Variants in FHIT observed in about 807,000 individuals in gnomAD.
FHIT encodes fragile histidine triad diadenosine triphosphatase.
In FHIT, 19 loss-of-function variants were observed where a neutral mutation model predicts 17.9. The observed-to-expected ratio is 1.06, with a 90% CI of 0.74 to 1.56. The LOEUF is 1.56. Ranked by LOEUF, FHIT falls within the 40% of genes most tolerant of loss-of-function variation. The probability of loss-of-function intolerance (pLI) is 0.00; values close to 1 mark genes in which losing one functional copy is unlikely to be tolerated. For missense variants in FHIT, 248 were observed against 189.2 expected (o/e 1.31, Z -1.82); for synonymous variants, 81 against 69.7 (o/e 1.16, Z -0.81).
chr3:60,244,569 G>A (rs567878984), intron 5 of FHIT, among the ~76,000 whole-genome samples: 3 of 152,066 alleles, frequency 2.0e-5, no homozygotes, highest in South Asian at 4.2e-4. Context: ...AAATGACACC[G>A]CCTAAACAAA....
intron 5 of FHIT, among the ~76,000 whole-genome samples, chr3:60,527,871 T>C (rs2035633379): frequency 6.6e-6 from 1 of 152,184 alleles, no homozygotes; most frequent in Non-Finnish European, 1.5e-5. Context: ...AACAATGGAA[T>C]GAGAATCAAA....
chr3:59,891,332 G>A (rs981255298), intron 8 of FHIT, among the ~76,000 whole-genome samples: 1 of 152,184 alleles, frequency 6.6e-6, no homozygotes, highest in African/African-American at 2.4e-5. Context: ...ATGGAAAAGG[G>A]AGTGGTTTAT....
intron 2 of FHIT, among the ~76,000 whole-genome samples, chr3:61,082,691 C>T (rs971003863): frequency 2.1e-4 from 32 of 152,156 alleles, no homozygotes; most frequent in African/African-American, 6.3e-4. Flanking sequence ...CATACCCTTG[C>T]CAACACTTAG....
intron 5 of FHIT, among the ~76,000 whole-genome samples, chr3:60,530,591 T>C (rs1037929427): frequency 1.3e-5 from 2 of 152,154 alleles, no homozygotes; most frequent in African/African-American, 4.8e-5. Flanking sequence ...CTAGTGCCCA[T>C]CACAGTTACT....
chr3:59,929,165 T>C (rs1338186958), intron 7 of FHIT, among the ~76,000 whole-genome samples: 6 of 151,950 alleles, frequency 3.9e-5, no homozygotes, highest in East Asian at 3.9e-4. Context: ...ATATGACCCA[T>C]GCACTGTTTC....
At chr3:59,917,016 G>T (rs943762784) in intron 8 of FHIT, among the ~76,000 whole-genome samples, 3 of 152,136 alleles carry the variant, frequency 2.0e-5, no homozygotes, top group Non-Finnish European at 4.4e-5. Flanking sequence ...GTCAACTAGG[G>T]ACCCATGGAC....
At chr3:60,796,449 C>T (rs1553730382) in intron 4 of FHIT, among the ~76,000 whole-genome samples, 1 of 151,826 alleles carries the variant, frequency 6.6e-6, no homozygotes, top group Non-Finnish European at 1.5e-5. Flanking sequence ...TATACATTTT[C>T]TTCTAAGCGA....
At chr3:60,952,885 T>C in intron 3 of FHIT, among the ~76,000 whole-genome samples, 1 of 152,210 alleles carries the variant, frequency 6.6e-6, no homozygotes, top group Middle Eastern at 3.2e-3. Context: ...TATAAAACCA[T>C]CTAGGTTTTG....
At chr3:59,932,115 T>C (rs1217744598) in intron 7 of FHIT, among the ~76,000 whole-genome samples, 2 of 152,302 alleles carry the variant, frequency 1.3e-5, no homozygotes, top group Non-Finnish European at 2.9e-5. Context: ...TCCTCCTCCA[T>C]GAGCACAGAG....
chr3:61,007,068 G>T (rs1370450438), intron 3 of FHIT, among the ~76,000 whole-genome samples: 1 of 152,112 alleles, frequency 6.6e-6, no homozygotes, highest in Non-Finnish European at 1.5e-5. Flanking sequence ...TCATAGAAAA[G>T]TCTCTATATG....
intron 4 of FHIT, among the ~76,000 whole-genome samples, chr3:60,610,005 G>A (rs1441464190): frequency 4.6e-5 from 7 of 152,106 alleles, no homozygotes; most frequent in African/African-American, 9.7e-5. Flanking sequence ...GTATTTAATC[G>A]GTTGCTTTAA....
intron 4 of FHIT, among the ~76,000 whole-genome samples, chr3:60,798,657 T>G (rs1355120694): frequency 6.6e-5 from 10 of 152,158 alleles, no homozygotes; most frequent in Admixed American, 5.9e-4. Context: ...CCCTACTGTC[T>G]TGAATTACAG....
intron 2 of FHIT, among the ~76,000 whole-genome samples, chr3:61,076,307 G>A (rs1481976841): frequency 6.6e-6 from 1 of 152,162 alleles, no homozygotes; most frequent in Non-Finnish European, 1.5e-5. Flanking sequence ...CCAAGAGGTG[G>A]TACTGGTAGA....
At chr3:60,099,668 C>A (rs374918577) in intron 5 of FHIT, among the ~76,000 whole-genome samples, 1 of 152,182 alleles carries the variant, frequency 6.6e-6, no homozygotes, top group East Asian at 1.9e-4. Context: ...TATTTACATA[C>A]TTTTTTCATC....
At chr3:61,083,667 TCTAA>T (rs1477846925) in intron 2 of FHIT, among the ~76,000 whole-genome samples, 1 of 152,192 alleles carries the variant, frequency 6.6e-6, no homozygotes, top group Non-Finnish European at 1.5e-5. Context: ...CTCACTAAAC[TCTAA>T]CCAACCACTC....
chr3:60,521,229 G>T (rs776343981), intron 5 of FHIT, among the ~76,000 whole-genome samples: 1 of 146,548 alleles, frequency 6.8e-6, no homozygotes, highest in Non-Finnish European at 1.5e-5. Context: ...CAGGATAATG[G>T]ACAATAAAAA....
At chr3:60,173,915 A>ATATATATATATATATATATTTTTT in intron 5 of FHIT, among the ~76,000 whole-genome samples, 6 of 66,420 alleles carry the variant, frequency 9.0e-5, no homozygotes, top group Admixed American at 2.1e-4. Flanking sequence ...ATATATATAT[A>ATATATATATATATATATATTTTTT]TGTTTTTTTT....
intron 4 of FHIT, among the ~76,000 whole-genome samples, chr3:60,625,984 T>G (rs1553680793): frequency 6.6e-6 from 1 of 152,236 alleles, no homozygotes; most frequent in Admixed American, 6.5e-5. Flanking sequence ...CCAGAATCAT[T>G]TGTTTAAAAG....
At chr3:60,036,330 A>G (rs1013068766) in intron 5 of FHIT, among the ~76,000 whole-genome samples, 1 of 152,192 alleles carries the variant, frequency 6.6e-6, no homozygotes, top group Non-Finnish European at 1.5e-5. Flanking sequence ...TCATATGGTT[A>G]ATATACAGAG....
Sources: gnomAD v4.1 joint callset for allele counts (sites outside exome capture counted in the v4.1 genomes callset) on GRCh38, gnomAD v4.1.1 for gene constraint, MANE v1.5 for transcripts, NCBI Gene and HGNC (gene_info 2026-07-23, HGNC 2026-07-21) for gene names.